Variants in AR observed in about 807,000 individuals in gnomAD.
The protein encoded by AR is androgen receptor.
In AR, 8 loss-of-function variants were observed where a neutral mutation model predicts 53.9. That is an observed-to-expected ratio of 0.15 (90% CI 0.09 to 0.27). The LOEUF is 0.27. AR is among the 10% of genes least tolerant of loss of function. The pLI is 1.00. For synonymous variants in AR, 359 were observed against 316.4 expected (o/e 1.13, Z -1.43); for missense variants, 639 against 742.5 (o/e 0.86, Z 1.62).
chrX:67,563,933 C>G (rs1381762760), intron 1 of AR, among the ~76,000 whole-genome samples: 5 of 111,573 alleles, frequency 4.5e-5, no homozygotes, highest in Admixed American at 2.8e-4. Flanking sequence ...GCACCCTTCC[C>G]CCAACAAAAT....
intron 3 of AR, among the ~76,000 whole-genome samples, chrX:67,703,286 C>G (rs931595982): frequency 4.5e-5 from 5 of 111,626 alleles, no homozygotes; most frequent in African/African-American, 1.3e-4. Context: ...ACTGCTTATG[C>G]TAGACCTCAG....
Position 67,550,656 on chromosome X carries a change from T to TA in AR, c.1616+3908dup, listed in dbSNP as rs757091151. On this transcript the variant is annotated intron_variant, in intron 1 of 7. Transcript: ENST00000374690. ...AACCTGAAATCACAACTCTGAAAAA[T>TA]AAAAAAAAAAAAAACCAAACAAAAA... 2.5e-3 allele frequency among the ~76,000 whole-genome samples: 226 copies of TA among 90,998 alleles called. 1 individual carries two copies. Among genetic ancestry groups the TA allele is most frequent in the Middle Eastern group, 0.018 (3 of 165 alleles). 79.0% of individuals were successfully genotyped at this position (90,998 alleles called of 115,157 possible).
chrX:67,698,684 A>G (rs2076030780), intron 3 of AR, among the ~76,000 whole-genome samples: 1 of 112,311 alleles, frequency 8.9e-6, no homozygotes, highest in Non-Finnish European at 1.9e-5. Flanking sequence ...TAAGATCAGA[A>G]TTTAGTTTCA....
chrX:67,561,310 T>A (rs1032276660), intron 1 of AR, among the ~76,000 whole-genome samples: 1 of 112,104 alleles, frequency 8.9e-6, no homozygotes, highest in Non-Finnish European at 1.9e-5. Flanking sequence ...TGATGGATTG[T>A]AAGTTCCATT....
intron 2 of AR, among the ~76,000 whole-genome samples, chrX:67,673,251 G>A (rs1192379444): frequency 9.2e-6 from 1 of 109,278 alleles, no homozygotes; most frequent in East Asian, 2.9e-4. Context: ...GTCTTTTTTG[G>A]ATTAAATCTT....
At chrX:67,723,654 C>T (rs1314436152) in intron 7 of AR, 32 bp from the exon 8 acceptor site, 1 of 1,207,447 alleles carries the variant, frequency 8.3e-7, no homozygotes, top group African/African-American at 1.7e-5. Flanking sequence ...CCTTGTCAAC[C>T]CTGTTTTTCT....
intron 1 of AR, among the ~76,000 whole-genome samples, chrX:67,606,304 G>T (rs1923621142): frequency 9.0e-6 from 1 of 111,159 alleles, no homozygotes; most frequent in African/African-American, 3.3e-5. Context: ...ATGCTGAGGG[G>T]TTTTAAAATT....
intron 1 of AR, among the ~76,000 whole-genome samples, chrX:67,601,292 G>A: frequency 8.9e-6 from 1 of 112,022 alleles, no homozygotes; most frequent in East Asian, 2.8e-4. Flanking sequence ...ACCTTTTCTT[G>A]ATATTTATTC....
intron 4 of AR, among the ~76,000 whole-genome samples, chrX:67,712,864 A>G (rs901800759): frequency 2.7e-5 from 3 of 112,725 alleles, no homozygotes; most frequent in African/African-American, 9.7e-5. Flanking sequence ...GTAGAAATTT[A>G]TAGTGAACAG....
At chrX:67,585,933 T>G (rs1922520541) in intron 1 of AR, among the ~76,000 whole-genome samples, 1 of 112,181 alleles carries the variant, frequency 8.9e-6, no homozygotes, top group Admixed American at 9.4e-5. Flanking sequence ...TATATTTGCA[T>G]CATATCTCCA....
rs1228636052 is a variant in AR, at chrX:67,728,015, A to G, written c.*4174A>G. On this transcript the variant is annotated 3_prime_UTR_variant, in exon 8 of 8. Transcript: ENST00000374690. Reference sequence around the variant, plus strand: ...CTTTTAAAGCAGTTTTTAAAAAGAGAGATGAAAGCATCACATTATATAACC... The same window carrying G: ...CTTTTAAAGCAGTTTTTAAAAAGAGGGATGAAAGCATCACATTATATAACC... The G allele has an allele frequency of 2.9e-5, 5 of 172,865 alleles. No homozygotes were observed. The highest frequency in any genetic ancestry group is 4.4e-5 in the Non-Finnish European group (4 of 90,827). 14.2% of individuals were successfully genotyped at this position (172,865 alleles called of 1,213,427 possible). A position where few individuals can be genotyped will look rare whatever the true frequency, so the allele number is the denominator to read the frequency against.
chrX:67,615,852 A>G (rs927658222), intron 1 of AR, among the ~76,000 whole-genome samples: 6 of 111,780 alleles, frequency 5.4e-5, no homozygotes, highest in Admixed American at 9.5e-5. Context: ...GAAGAGTAAC[A>G]TTAAAAACTT....
Position 67,544,988 on chromosome X carries a change from TGC to T in AR, c.-157_-156del. On this transcript the variant is annotated 5_prime_UTR_variant, in exon 1 of 8. Coordinates refer to ENST00000374690, the MANE Select transcript of AR (RefSeq NM_000044.6). The stretch of plus-strand genomic sequence containing the variant: ...ACTTTGAGGCTGTCAGAGCGCTTTT[TGC>T]GTGGTTGCTCCCGCAAGTTTCCTTC... The T allele has an allele frequency of 1.2e-6, 1 of 813,930 alleles. No homozygotes were observed. Among genetic ancestry groups the T allele is most frequent in the Admixed American group, 4.2e-5 (1 of 23,797 alleles). The allele number at this position is 813,930 out of a possible 1,213,427, so 67.1% of individuals were successfully genotyped here.
intron 2 of AR, among the ~76,000 whole-genome samples, chrX:67,674,265 A>G (rs1008361643): frequency 4.6e-5 from 5 of 109,614 alleles, no homozygotes; most frequent in African/African-American, 1.7e-4. Context: ...AGTCAACACC[A>G]TTGGGACTGT....
At chrX:67,562,986 C>A (rs1486150591) in intron 1 of AR, among the ~76,000 whole-genome samples, 2 of 112,069 alleles carry the variant, frequency 1.8e-5, no homozygotes, top group African/African-American at 3.2e-5. Flanking sequence ...TTGGCTGAAT[C>A]ACATAAATAG....
intron 1 of AR, among the ~76,000 whole-genome samples, chrX:67,548,918 G>A (rs934046740): frequency 2.7e-5 from 3 of 111,224 alleles, no homozygotes; most frequent in Admixed American, 9.5e-5. Context: ...TTGCTGCACT[G>A]AATATGAGGA....
chrX:67,689,157 T>C (rs899844551), intron 3 of AR, among the ~76,000 whole-genome samples: 3 of 111,593 alleles, frequency 2.7e-5, no homozygotes, highest in African/African-American at 9.8e-5. Context: ...TGTGATTCTA[T>C]GTAAAAAGCC....
chrX:67,697,351 A>C (rs2076025074), intron 3 of AR, among the ~76,000 whole-genome samples: 1 of 111,741 alleles, frequency 8.9e-6, no homozygotes, highest in Non-Finnish European at 1.9e-5. Flanking sequence ...CTCAGTAACT[A>C]GCAATAGTAA....
At chrX:67,704,609 T>A (rs1156231142) in intron 3 of AR, among the ~76,000 whole-genome samples, 1 of 112,123 alleles carries the variant, frequency 8.9e-6, no homozygotes, top group Non-Finnish European at 1.9e-5. Flanking sequence ...CTGTTCACTC[T>A]GATGGTAGTT....
Sources: allele counts gnomAD v4.1 joint callset (sites outside exome capture counted in the v4.1 genomes callset), GRCh38; gene constraint gnomAD v4.1.1; transcripts MANE v1.5; gene names NCBI Gene and HGNC (gene_info 2026-07-23, HGNC 2026-07-21).